The following EPG5 variants were observed in gnomAD, a reference collection of about 807,000 sequenced individuals.
EPG5 encodes ectopic P-granules 5 autophagy tethering factor, also known as ectopic P granules protein 5 homolog.
In EPG5, 159 loss-of-function variants were observed where a neutral mutation model predicts 302.7. The observed-to-expected ratio is 0.53, with a 90% CI of 0.46 to 0.60. The LOEUF is 0.60. EPG5 is among the 20% of genes least tolerant of loss of function. The pLI, the probability that EPG5 is intolerant of heterozygous loss-of-function variation, is 0.00. For synonymous variants in EPG5, 1,158 were observed against 1,136.8 expected, an observed-to-expected ratio of 1.02 and a Z score of -0.37; for missense variants, 2,896 against 3,092.4, an observed-to-expected ratio of 0.94 and a Z score of 1.51.
chr18:45,872,976 G>C (rs1291465456), intron 35 of EPG5, among the ~76,000 whole-genome samples: 2 of 152,220 alleles, frequency 1.3e-5, no homozygotes, highest in Non-Finnish European at 2.9e-5. Flanking sequence ...TGTGACGTCA[G>C]ATAAATTCTT....
chr18:45,910,160 T>C (rs928615910), intron 23 of EPG5, among the ~76,000 whole-genome samples: 4 of 152,046 alleles, frequency 2.6e-5, no homozygotes, highest in Non-Finnish European at 4.4e-5. Flanking sequence ...TAATTTTTTT[T>C]TTATTTTTTG....
chr18:45,937,509 C>A (rs1408963315), intron 10 of EPG5, among the ~76,000 whole-genome samples: 1 of 152,050 alleles, frequency 6.6e-6, no homozygotes, highest in Non-Finnish European at 1.5e-5. Flanking sequence ...GGGGTTCAAG[C>A]GATTCTTCTG....
At chr18:45,908,199 G>T in intron 23 of EPG5, 118 bp from the exon 24 acceptor site, 1 of 787,774 alleles carries the variant, frequency 1.3e-6, no homozygotes, top group East Asian at 3.2e-5. Flanking sequence ...CCATAATACA[G>T]AAAATGTGGC....
At chr18:45,803,954 A>G in the EPG5 span, among the ~76,000 whole-genome samples, 1 of 152,210 alleles carries the variant, frequency 6.6e-6, no homozygotes, top group South Asian at 2.1e-4. Flanking sequence ...GAGTAAATAT[A>G]ATAGGCAAAA....
chr18:45,828,512 C>T, the EPG5 span, among the ~76,000 whole-genome samples: 1 of 152,202 alleles, frequency 6.6e-6, no homozygotes, highest in African/African-American at 2.4e-5. Flanking sequence ...GACAAGGCCT[C>T]AGGTGGTCCT....
At chr18:45,887,604 G>C in intron 29 of EPG5, 147 bp downstream of exon 29, 1 of 543,682 alleles carries the variant, frequency 1.8e-6, no homozygotes, top group Non-Finnish European at 2.9e-6. Context: ...CATATTTTGA[G>C]AAGCCTACAA....
intron 41 of EPG5, 90 bp from the exon 42 acceptor site, chr18:45,858,158 G>T: frequency 1.0e-6 from 1 of 958,062 alleles, no homozygotes; most frequent in Non-Finnish European, 1.6e-6. Context: ...TTGAAGGATA[G>T]GAGACATTCA....
the EPG5 span, chr18:45,839,114 C>T: frequency 6.6e-6 from 9 of 1,365,030 alleles, no homozygotes; most frequent in Admixed American, 4.0e-5. Flanking sequence ...GCCCCAGACA[C>T]GGGTGGCCGC....
At chr18:45,825,845 TAC>T in the EPG5 span, 13 of 1,589,258 alleles carry the variant, frequency 8.2e-6, no homozygotes, top group Non-Finnish European at 1.1e-5. Context: ...GCATCTTAGG[TAC>T]AGTCTCCCCT....
At chr18:45,921,786 G>A (rs1010523722) in intron 16 of EPG5, among the ~76,000 whole-genome samples, 4 of 151,924 alleles carry the variant, frequency 2.6e-5, no homozygotes, top group African/African-American at 7.3e-5. Flanking sequence ...CATAGAGCAG[G>A]GAACATCACA....
intron 35 of EPG5, among the ~76,000 whole-genome samples, chr18:45,871,641 A>C (rs2048873400): frequency 6.6e-6 from 1 of 152,220 alleles, no homozygotes; most frequent in Admixed American, 6.5e-5. Flanking sequence ...AACATGAATG[A>C]ATCTGGAGAA....
chr18:45,885,705 C>G (rs1378200662), intron 29 of EPG5, among the ~76,000 whole-genome samples: 1 of 151,966 alleles, frequency 6.6e-6, no homozygotes, highest in African/African-American at 2.4e-5. Context: ...GACTGATAGG[C>G]TTGAATATAT....
chr18:45,843,997 T>G (rs1211342163), downstream of EPG5: 1 of 152,216 alleles, frequency 6.6e-6, no homozygotes, highest in Non-Finnish European at 1.5e-5. Flanking sequence ...GCAGCACTAT[T>G]TGCAATAGCC....
At chr18:45,958,917 C>T (rs1193661420) in intron 1 of EPG5, among the ~76,000 whole-genome samples, 1 of 152,158 alleles carries the variant, frequency 6.6e-6, no homozygotes, top group Non-Finnish European at 1.5e-5. Flanking sequence ...AACCCAGGAA[C>T]TGACTCAGTG....
At chr18:45,827,634 C>A in the EPG5 span, among the ~76,000 whole-genome samples, 1 of 152,142 alleles carries the variant, frequency 6.6e-6, no homozygotes, top group Non-Finnish European at 1.5e-5. Flanking sequence ...GGGGTCCCTG[C>A]CACCTTGAAG....
intron 25 of EPG5, among the ~76,000 whole-genome samples, chr18:45,901,511 AG>A (rs2049618133): frequency 6.6e-6 from 1 of 152,200 alleles, no homozygotes. Context: ...CACCCAGTTA[AG>A]GTTTTAATGC....
At position 45,887,735 on chromosome 18, in the gene EPG5, G is replaced by A. The variant is rs759443683; in HGVS notation, c.5109+16C>T. On this transcript the variant is annotated intron_variant, in intron 29 of 43. Coordinates refer to ENST00000282041, the MANE Select transcript of EPG5 (RefSeq NM_020964.3). Reference sequence around the variant, plus strand: ...ACTCATTATCTGATCAAGGCAAAAGGTACAGATAGCCTTACCTGTCCCAAG... The same window carrying A: ...ACTCATTATCTGATCAAGGCAAAAGATACAGATAGCCTTACCTGTCCCAAG... 14 of 1,527,892 alleles carry A rather than the reference G, an allele frequency of 9.2e-6. No individual in the cohort carries two copies. The Admixed American group carries it at 1.4e-4, about 16-fold the overall frequency. 94.6% of individuals were successfully genotyped at this position (1,527,892 alleles called of 1,614,324 possible).
At chr18:45,830,841 G>A in the EPG5 span, among the ~76,000 whole-genome samples, 1 of 147,216 alleles carries the variant, frequency 6.8e-6, no homozygotes, top group Admixed American at 7.0e-5. Context: ...CTTGTGATCT[G>A]CCCGCCTCAG....
the EPG5 span, among the ~76,000 whole-genome samples, chr18:45,804,940 T>C: frequency 6.6e-6 from 1 of 152,082 alleles, no homozygotes; most frequent in Non-Finnish European, 1.5e-5. Flanking sequence ...AAAGGAATGC[T>C]GGGGGCAGGT....
Sources: gnomAD v4.1 joint callset for allele counts (sites outside exome capture counted in the v4.1 genomes callset) on GRCh38, gnomAD v4.1.1 for gene constraint, MANE v1.5 for transcripts, NCBI Gene and HGNC (gene_info 2026-07-23, HGNC 2026-07-21) for gene names.